The following NDRG4 variants were observed in gnomAD, a reference collection of about 807,000 sequenced individuals.
NDRG4 encodes NDRG family member 4.
In NDRG4, 38 loss-of-function variants were observed where a neutral mutation model predicts 55.8. That is an observed-to-expected ratio of 0.68 (90% confidence interval 0.53 to 0.89). The LOEUF is 0.89. Among genes scored for constraint, NDRG4 ranks in the 40% least tolerant of loss-of-function variants. The probability of loss-of-function intolerance (pLI) is 0.00; values close to 1 mark genes in which losing one functional copy is unlikely to be tolerated. For missense variants in NDRG4, 455 were observed against 468.6 expected (o/e 0.97, Z 0.27); for synonymous variants, 190 against 182.7 (o/e 1.04, Z -0.32).
intron 2 of NDRG4, chr16:58,494,845 A>AAG (rs1437477990): frequency 3.7e-6 from 3 of 804,620 alleles, no homozygotes; most frequent in Non-Finnish European, 5.8e-6. Flanking sequence ...AAAAAAAAAA[A>AAG]AAGAAAAGAA....
intron 1 of NDRG4, chr16:58,475,552 A>G (rs1313312349): frequency 1.3e-5 from 6 of 453,188 alleles, no homozygotes; most frequent in African/African-American, 1.0e-4. Context: ...GCTGTGTGTA[A>G]CAGAAAACCC....
At chr16:58,509,966 C>A (rs1453476594) in intron 13 of NDRG4, among the ~76,000 whole-genome samples, 1 of 152,174 alleles carries the variant, frequency 6.6e-6, no homozygotes, top group Non-Finnish European at 1.5e-5. Context: ...ACACAACACA[C>A]CCCTTGTGTG....
chr16:58,477,063 CTG>C (rs1264018041), intron 1 of NDRG4, among the ~76,000 whole-genome samples: 1 of 151,636 alleles, frequency 6.6e-6, no homozygotes, highest in East Asian at 1.9e-4. Context: ...AGAATGCACT[CTG>C]TGGTGTTGAA....
At chr16:58,495,157 C>T, upstream of NDRG4, 5 of 743,860 alleles carry the variant, frequency 6.7e-6, no homozygotes, top group Non-Finnish European at 1.2e-5. Context: ...ACTGGCCCTG[C>T]TTCTGCGAGC....
At chr16:58,473,128 T>A (rs2033110372) in intron 1 of NDRG4, among the ~76,000 whole-genome samples, 1 of 152,158 alleles carries the variant, frequency 6.6e-6, no homozygotes, top group African/African-American at 2.4e-5. Flanking sequence ...CTTCCCTCTG[T>A]TCCTTCTCCT....
intron 2 of NDRG4, 65 bp downstream of exon 2, chr16:58,503,968 C>G: frequency 1.3e-6 from 2 of 1,568,500 alleles, no homozygotes; most frequent in Non-Finnish European, 1.7e-6. Flanking sequence ...GTGAGGCCCC[C>G]CACCCTCCCC....
chr16:58,490,018 C>A (rs2035589631), intron 2 of NDRG4, among the ~76,000 whole-genome samples: 1 of 151,988 alleles, frequency 6.6e-6, no homozygotes, highest in Non-Finnish European at 1.5e-5. Flanking sequence ...CTAATTTTTC[C>A]ATTTTGTAGA....
chr16:58,464,408 G>A lies in NDRG4; in HGVS notation c.-24+611G>A. 1 of 1,365,540 alleles carries A rather than the reference G, an allele frequency of 7.3e-7. No homozygotes were observed. The highest frequency in any genetic ancestry group is 9.4e-7 in the Non-Finnish European group (1 of 1,062,410). The allele number at this position is 1,365,540 out of a possible 1,614,324, so 84.6% of individuals were successfully genotyped here. ...CGCTGCCCCGACGCCGCCACCCAGAGCCGGGCCGCGCCGGGCGCCGAGATG... is the reference window on the plus strand; with the variant it reads ...CGCTGCCCCGACGCCGCCACCCAGAACCGGGCCGCGCCGGGCGCCGAGATG... On this transcript the variant is annotated intron_variant, in intron 1 of 15. Coordinates refer to the NDRG4 transcript ENST00000258187. The surrounding 1 kb of genome is among the most constrained non-coding windows in gnomAD (Gnocchi z 4.8).
chr16:58,466,365 C>T (rs1014806491), intron 1 of NDRG4, among the ~76,000 whole-genome samples: 13 of 152,202 alleles, frequency 8.5e-5, no homozygotes, highest in Admixed American at 5.2e-4. Context: ...CTCCTGGTTC[C>T]TCTCTTCCCC....
intron 7 of NDRG4, 110 bp downstream of exon 7, chr16:58,506,724 A>G: frequency 7.6e-7 from 1 of 1,311,548 alleles, no homozygotes; most frequent in Non-Finnish European, 1.1e-6. Flanking sequence ...CTCACTCCAG[A>G]TGCTAAGCCA....
intron 1 of NDRG4, chr16:58,487,752 C>G: frequency 1.3e-6 from 2 of 1,536,190 alleles, no homozygotes; most frequent in East Asian, 2.5e-5. Context: ...CCCTCCCTCC[C>G]TAGGCCTCCT....
At chr16:58,500,886 AGAGGCAAGGAGGTCTGGGC>A in intron 1 of NDRG4, 1 of 725,482 alleles carries the variant, frequency 1.4e-6, no homozygotes, top group Non-Finnish European at 1.9e-6. Flanking sequence ...CCAGCCGGGC[AGAGGCAAGGAGGTCTGGGC>A]CACACAGGAA....
chr16:58,492,456 G>A (rs2035884866), intron 2 of NDRG4, among the ~76,000 whole-genome samples: 1 of 151,508 alleles, frequency 6.6e-6, no homozygotes, highest in Non-Finnish European at 1.5e-5. Context: ...GACCCAGAGA[G>A]CATACAGCAC....
chr16:58,502,726 T>A (rs2037322133), intron 1 of NDRG4, among the ~76,000 whole-genome samples: 1 of 152,220 alleles, frequency 6.6e-6, no homozygotes, highest in South Asian at 2.1e-4. Context: ...AGTCGCTTGA[T>A]GTTTCTTTCA....
intron 8 of NDRG4, 181 bp downstream of exon 8, chr16:58,507,196 C>G: frequency 3.3e-6 from 2 of 601,060 alleles, no homozygotes; most frequent in Non-Finnish European, 6.0e-6. Context: ...CAGAGGGGAA[C>G]AGGGTTTCAG....
At chr16:58,495,060 T>A (rs1411796103) in intron 3 of NDRG4, 5 of 1,572,950 alleles carry the variant, frequency 3.2e-6, no homozygotes, top group Non-Finnish European at 4.4e-6. Context: ...TGGCAGCCCC[T>A]CACCCCACCT....
rs563334169 is a variant in NDRG4, at chr16:58,505,303, C to T, written c.372+654C>T. On this transcript the variant is annotated intron_variant, in intron 5 of 14. Coordinates refer to ENST00000570248, the MANE Select transcript of NDRG4 (RefSeq NM_001242835.2). ...GGCGGAGCTTGCAGTGAGCTGAGAT[C>T]GCGCCACTGCACTCCAGCCTGGGCA... 2.8e-3 allele frequency among the ~76,000 whole-genome samples: 424 copies of T among 151,536 alleles called. 2 individuals are homozygous for T. Among genetic ancestry groups the T allele is most frequent in the African/African-American group, 4.7e-3 (192 of 41,268 alleles).
chr16:58,488,786 C>T (rs1311628554), intron 2 of NDRG4, among the ~76,000 whole-genome samples: 1 of 152,220 alleles, frequency 6.6e-6, no homozygotes, highest in Admixed American at 6.5e-5. Flanking sequence ...ACAGTGTTAT[C>T]TTCCAGACAG....
rs943652193 is a variant in NDRG4, at chr16:58,513,058, A to T, written c.*1482A>T. 2.0e-5 allele frequency: 3 copies of T among 152,716 alleles called. No homozygotes were observed. Among genetic ancestry groups the T allele is most frequent in the Middle Eastern group, 3.4e-3 (1 of 294 alleles). The allele number at this position is 152,716 out of a possible 1,614,324, so 9.5% of individuals were successfully genotyped here. ...GTGCTTCTTCTGAATACTGAATGTG[A>T]CTGTTTGAAAGCTGGTAGAATTCAT... On this transcript the variant is annotated 3_prime_UTR_variant, in exon 15 of 15. Transcript: ENST00000570248.
Sources: allele counts gnomAD v4.1 joint callset (sites outside exome capture counted in the v4.1 genomes callset), GRCh38; gene constraint gnomAD v4.1.1; non-coding constraint Gnocchi (gnomAD v3.1); transcripts MANE v1.5; gene names NCBI Gene and HGNC (gene_info 2026-07-23, HGNC 2026-07-21).